The following BMPER variants were observed in gnomAD, a reference collection of about 807,000 sequenced individuals.
BMPER encodes the protein BMP binding endothelial regulator.
Under a neutral mutation model 87.3 loss-of-function variants are expected in BMPER, and 45 were observed. That is an observed-to-expected ratio of 0.52 (90% confidence interval 0.41 to 0.66). The LOEUF (loss-of-function observed/expected upper bound fraction) is 0.66. BMPER is among the 30% of genes least tolerant of loss of function. The pLI is 0.00. For missense variants in BMPER, 784 were observed against 867.5 expected, an observed-to-expected ratio of 0.90 and a Z score of 1.21; for synonymous variants, 326 against 316.2, an observed-to-expected ratio of 1.03 and a Z score of -0.33.
chr7:33,979,911 C>G (rs2127915991), intron 6 of BMPER, among the ~76,000 whole-genome samples: 1 of 152,376 alleles, frequency 6.6e-6, no homozygotes, highest in East Asian at 1.9e-4. Context: ...ATCAGGAAGA[C>G]ACTCGTCTTA....
chr7:34,031,887 T>G, intron 6 of BMPER, among the ~76,000 whole-genome samples: 1 of 17,314 alleles, frequency 5.8e-5, no homozygotes, highest in African/African-American at 5.7e-4. Flanking sequence ...TTTGACCATA[T>G]ATATATATAT....
intron 3 of BMPER, among the ~76,000 whole-genome samples, chr7:33,965,842 C>T (rs1484806439): frequency 7.2e-6 from 1 of 138,158 alleles, no homozygotes; most frequent in Admixed American, 7.7e-5. Context: ...TCTGTTTTTG[C>T]CAATGAATAA....
chr7:33,977,505 G>A (rs1785718503), intron 6 of BMPER, among the ~76,000 whole-genome samples: 1 of 152,160 alleles, frequency 6.6e-6, no homozygotes, highest in African/African-American at 2.4e-5. Context: ...AGCTGGAGAA[G>A]GGCTTTAGAC....
chr7:34,057,314 G>T (rs1278746053), intron 9 of BMPER, among the ~76,000 whole-genome samples: 1 of 152,186 alleles, frequency 6.6e-6, no homozygotes, highest in East Asian at 1.9e-4. Flanking sequence ...GCTTTTTGTG[G>T]TATTTGGCAT....
chr7:34,008,450 A>T (rs79119605), intron 6 of BMPER, among the ~76,000 whole-genome samples: 1 of 151,428 alleles, frequency 6.6e-6, no homozygotes, highest in Non-Finnish European at 1.5e-5. Flanking sequence ...CTTTGAGATT[A>T]AAAAAAAATT....
chr7:33,973,221 A>C (rs984233416), intron 5 of BMPER, among the ~76,000 whole-genome samples: 6 of 152,350 alleles, frequency 3.9e-5, no homozygotes, highest in African/African-American at 1.4e-4. Flanking sequence ...CCGTGTGACA[A>C]AATCAGTGCT....
intron 6 of BMPER, among the ~76,000 whole-genome samples, chr7:34,008,466 G>GT (rs909280300): frequency 2.0e-5 from 3 of 150,824 alleles, no homozygotes; most frequent in Non-Finnish European, 3.0e-5. Flanking sequence ...AAATTTCCCA[G>GT]TTTTTTTTCA....
At chr7:34,009,338 G>A (rs1306007768) in intron 6 of BMPER, among the ~76,000 whole-genome samples, 1 of 151,772 alleles carries the variant, frequency 6.6e-6, no homozygotes, top group East Asian at 1.9e-4. Flanking sequence ...GAACTATTAG[G>A]GGCCACAAGA....
At chr7:33,941,810 C>G (rs929719625) in intron 3 of BMPER, among the ~76,000 whole-genome samples, 5 of 152,168 alleles carry the variant, frequency 3.3e-5, no homozygotes, top group African/African-American at 1.2e-4. Context: ...AAGGTACAGA[C>G]CAGTACAGGT....
At position 34,153,969 on chromosome 7, in the gene BMPER, A is replaced by G. The variant is rs913020959; in HGVS notation, c.*696A>G. On this transcript the variant is annotated 3_prime_UTR_variant, in exon 15 of 15. Coordinates refer to ENST00000649409, the MANE Select transcript of BMPER (RefSeq NM_001365308.1). The stretch of plus-strand genomic sequence containing the variant: ...TCCTTGCGTAGTCCTCAAGTCTTCT[A>G]ATCATCTATGTGTGTATGATGGATG... 6.5e-6 allele frequency: 1 copy of G among 153,728 alleles called. No individual in the cohort carries two copies. Among genetic ancestry groups the G allele is most frequent in the African/African-American group, 2.4e-5 (1 of 41,462 alleles). 9.5% of individuals were successfully genotyped at this position (153,728 alleles called of 1,614,324 possible). A position where few individuals can be genotyped will look rare whatever the true frequency, so the allele number is the denominator to read the frequency against.
intron 11 of BMPER, among the ~76,000 whole-genome samples, chr7:34,069,297 T>C (rs1198434891): frequency 6.6e-6 from 1 of 152,222 alleles, no homozygotes; most frequent in Non-Finnish European, 1.5e-5. Context: ...TAACTAATTA[T>C]ACATTACTAT....
At chr7:34,128,942 A>C (rs974720353) in intron 13 of BMPER, among the ~76,000 whole-genome samples, 2 of 152,160 alleles carry the variant, frequency 1.3e-5, no homozygotes, top group African/African-American at 2.4e-5. Context: ...TTAAGACTCT[A>C]TGATTCTATA....
At chr7:33,943,862 G>A (rs1253520360) in intron 3 of BMPER, among the ~76,000 whole-genome samples, 1 of 152,108 alleles carries the variant, frequency 6.6e-6, no homozygotes, top group Non-Finnish European at 1.5e-5. Flanking sequence ...TATTACCAGG[G>A]ATATGTTCCT....
At chr7:34,148,014 G>C (rs115838949) in intron 14 of BMPER, among the ~76,000 whole-genome samples, 1 of 152,064 alleles carries the variant, frequency 6.6e-6, no homozygotes, top group East Asian at 1.9e-4. Context: ...CAAGGCTTCC[G>C]TTTGCCAAGG....
intron 6 of BMPER, among the ~76,000 whole-genome samples, chr7:34,036,633 G>A (rs1787677121): frequency 6.6e-6 from 1 of 152,128 alleles, no homozygotes; most frequent in African/African-American, 2.4e-5. Flanking sequence ...GACTTCCAGA[G>A]CTTTGCCTCT....
At chr7:34,119,014 T>TCACA (rs138792693) in intron 13 of BMPER, among the ~76,000 whole-genome samples, 177 of 135,794 alleles carry the variant, frequency 1.3e-3, no homozygotes, top group East Asian at 0.01. Flanking sequence ...TCTCTCTCTC[T>TCACA]CACACACACA....
chr7:33,972,419 G>A (rs1785572696), intron 5 of BMPER, among the ~76,000 whole-genome samples: 1 of 152,204 alleles, frequency 6.6e-6, no homozygotes. Context: ...AGCAGTTGAA[G>A]TTGTATTTGA....
chr7:34,115,417 G>A lies in BMPER; in HGVS notation c.1746-27813G>A, dbSNP rs530629236. On this transcript the variant is annotated intron_variant, in intron 13 of 14. Transcript: ENST00000649409. ...GTTTTTATTATTTTCACAGCTATGT[G>A]CATATAAAATTGATTGTCAGTTCTA... 1.4e-4 allele frequency among the ~76,000 whole-genome samples: 22 copies of A among 152,250 alleles called. No individual in the cohort carries two copies. In the East Asian group the frequency reaches 3.3e-3, roughly 23 times the overall value.
At chr7:33,982,636 A>G (rs1227888329) in intron 6 of BMPER, among the ~76,000 whole-genome samples, 1 of 152,078 alleles carries the variant, frequency 6.6e-6, no homozygotes, top group Non-Finnish European at 1.5e-5. Context: ...TTGGTGTTTT[A>G]TGTTAGAAAG....
Sources: allele counts gnomAD v4.1 joint callset (sites outside exome capture counted in the v4.1 genomes callset), GRCh38; gene constraint gnomAD v4.1.1; transcripts MANE v1.5; gene names NCBI Gene and HGNC (gene_info 2026-07-23, HGNC 2026-07-21).